The following PPARGC1A variants were observed in gnomAD, a reference collection of about 807,000 sequenced individuals.
PPARGC1A encodes the protein peroxisome proliferator-activated receptor gamma coactivator 1-alpha.
In PPARGC1A, 25 loss-of-function variants were observed where a neutral mutation model predicts 88.7. The observed-to-expected ratio is 0.28, with a 90% confidence interval of 0.21 to 0.39. The LOEUF (loss-of-function observed/expected upper bound fraction) is 0.39, where lower values mean the gene tolerates loss of function less well. PPARGC1A is among the 10% of genes least tolerant of loss of function. The pLI, the probability that PPARGC1A is intolerant of heterozygous loss-of-function variation, is 1.00. For missense variants in PPARGC1A, 880 were observed against 968.7 expected (o/e 0.91, Z 1.22); for synonymous variants, 363 against 355.6 (o/e 1.02, Z -0.24).
the PPARGC1A span, among the ~76,000 whole-genome samples, chr4:24,325,261 C>T: frequency 2.1e-3 from 322 of 152,158 alleles, 2 homozygotes; most frequent in African/African-American, 7.2e-3. Context: ...AATCTGCTCC[C>T]GACATTAAAT....
the PPARGC1A span, among the ~76,000 whole-genome samples, chr4:24,023,317 TA>T: frequency 6.6e-6 from 1 of 151,990 alleles, no homozygotes; most frequent in Admixed American, 6.6e-5. Flanking sequence ...GCTTAAGTTA[TA>T]AAAAAGTTTA....
the PPARGC1A span, among the ~76,000 whole-genome samples, chr4:24,173,564 G>A: frequency 2.0e-5 from 3 of 152,260 alleles, no homozygotes; most frequent in African/African-American, 7.2e-5. Flanking sequence ...TGAAGTCAAG[G>A]AGATAGTGCC....
At chr4:23,871,089 T>C (rs1182374248) in intron 2 of PPARGC1A, among the ~76,000 whole-genome samples, 1 of 152,110 alleles carries the variant, frequency 6.6e-6, no homozygotes, top group Non-Finnish European at 1.5e-5. Flanking sequence ...ACTATGTGGG[T>C]CCCCAGACTT....
At chr4:24,255,575 C>G in the PPARGC1A span, among the ~76,000 whole-genome samples, 2 of 152,186 alleles carry the variant, frequency 1.3e-5, no homozygotes, top group African/African-American at 4.8e-5. Context: ...TGCTACATAC[C>G]TACCCAGTGG....
the PPARGC1A span, among the ~76,000 whole-genome samples, chr4:24,129,626 C>T: frequency 6.6e-6 from 1 of 151,992 alleles, no homozygotes; most frequent in Non-Finnish European, 1.5e-5. Context: ...ACCATTTGAC[C>T]CAGCAATCTC....
intron 2 of PPARGC1A, among the ~76,000 whole-genome samples, chr4:23,836,652 A>T (rs772329224): frequency 2.0e-4 from 31 of 152,226 alleles, no homozygotes; most frequent in Non-Finnish European, 3.7e-4. Context: ...TATGACCTGT[A>T]CTAGTCTGAC....
chr4:24,249,155 A>G, the PPARGC1A span, among the ~76,000 whole-genome samples: 2 of 152,306 alleles, frequency 1.3e-5, no homozygotes, highest in Admixed American at 1.3e-4. Context: ...CACAGAGTGC[A>G]GAAGCCACCC....
the PPARGC1A span, among the ~76,000 whole-genome samples, chr4:23,942,477 C>A: frequency 6.6e-6 from 1 of 152,148 alleles, no homozygotes; most frequent in Non-Finnish European, 1.5e-5. Flanking sequence ...ACATTACTAT[C>A]ATCCCAAATA....
chr4:24,346,442 C>T, the PPARGC1A span, among the ~76,000 whole-genome samples: 1 of 151,900 alleles, frequency 6.6e-6, no homozygotes, highest in Non-Finnish European at 1.5e-5. Context: ...TTTTAATTAC[C>T]GTTTCAATCT....
At chr4:24,434,566 C>A in the PPARGC1A span, among the ~76,000 whole-genome samples, 3 of 152,182 alleles carry the variant, frequency 2.0e-5, no homozygotes, top group African/African-American at 7.2e-5. Context: ...TGCACAGGGT[C>A]TCAGGGTGGG....
At chr4:23,801,999 A>T (rs1334677886) in intron 11 of PPARGC1A, 118 bp from the exon 12 acceptor site, 7 of 1,343,376 alleles carry the variant, frequency 5.2e-6, no homozygotes, top group South Asian at 1.4e-5. Flanking sequence ...GAATCCATTT[A>T]TCAGTGTGAT....
At chr4:24,441,578 G>A in the PPARGC1A span, among the ~76,000 whole-genome samples, 10 of 152,272 alleles carry the variant, frequency 6.6e-5, no homozygotes, top group Middle Eastern at 6.8e-3. Context: ...CACCCTGAAT[G>A]TCCTGTTGCT....
At chr4:24,311,168 C>T in the PPARGC1A span, among the ~76,000 whole-genome samples, 19 of 129,504 alleles carry the variant, frequency 1.5e-4, no homozygotes, top group South Asian at 2.5e-4. Context: ...GGCGAGATCT[C>T]GGCTCACTGC....
At chr4:24,165,702 A>G in the PPARGC1A span, among the ~76,000 whole-genome samples, 9 of 152,194 alleles carry the variant, frequency 5.9e-5, no homozygotes, top group East Asian at 1.5e-3. Context: ...TAATGTTACT[A>G]TTGTATTTGT....
chr4:24,091,959 T>TCA, the PPARGC1A span, among the ~76,000 whole-genome samples: 3 of 127,254 alleles, frequency 2.4e-5, no homozygotes, highest in African/African-American at 6.5e-5. Context: ...ACACATATGC[T>TCA]CACACACACA....
chr4:23,859,235 T>C (rs1730766096), intron 2 of PPARGC1A, among the ~76,000 whole-genome samples: 1 of 152,152 alleles, frequency 6.6e-6, no homozygotes, highest in South Asian at 2.1e-4. Context: ...GCTTAAAATG[T>C]CAGTCCCAAG....
chr4:24,357,553 G>C, the PPARGC1A span, among the ~76,000 whole-genome samples: 1 of 152,134 alleles, frequency 6.6e-6, no homozygotes, highest in African/African-American at 2.4e-5. Flanking sequence ...AGGCATTTAC[G>C]CTGATCTTAC....
chr4:24,375,286 T>C, the PPARGC1A span, among the ~76,000 whole-genome samples: 4 of 152,132 alleles, frequency 2.6e-5, no homozygotes, highest in Non-Finnish European at 4.4e-5. Context: ...TTGATCCATG[T>C]CCCAAACTGT....
At chr4:23,973,560 T>C in the PPARGC1A span, among the ~76,000 whole-genome samples, 3 of 152,362 alleles carry the variant, frequency 2.0e-5, no homozygotes, top group African/African-American at 7.2e-5. Flanking sequence ...AGATAAAGCA[T>C]TTATTCTATG....
Sources: gnomAD v4.1 joint callset for allele counts (sites outside exome capture counted in the v4.1 genomes callset) on GRCh38, gnomAD v4.1.1 for gene constraint, MANE v1.5 for transcripts, NCBI Gene and HGNC (gene_info 2026-07-23, HGNC 2026-07-21) for gene names.